The following MAL variants were observed in gnomAD, a reference collection of about 807,000 sequenced individuals.
MAL encodes the protein myelin and lymphocyte protein.
MAL carries 5 observed loss-of-function variants against 16.7 expected under a neutral mutation model. The observed-to-expected ratio is 0.30, with a 90% CI of 0.16 to 0.63. The LOEUF (loss-of-function observed/expected upper bound fraction) is 0.63. MAL is among the 30% of genes least tolerant of loss of function. MAL has a pLI of 0.82. For synonymous variants in MAL, 96 were observed against 85.5 expected (o/e 1.12, Z -0.67); for missense variants, 202 against 195.8 (o/e 1.03, Z -0.19).
At chr2:95,041,523 C>T (rs1674466459) in intron 1 of MAL, among the ~76,000 whole-genome samples, 1 of 152,164 alleles carries the variant, frequency 6.6e-6, no homozygotes, top group Non-Finnish European at 1.5e-5. Context: ...TGACAACAAG[C>T]GCTTAGTGGC....
At chr2:95,039,522 G>T (rs1389691186) in intron 1 of MAL, among the ~76,000 whole-genome samples, 2 of 151,772 alleles carry the variant, frequency 1.3e-5, no homozygotes, top group Admixed American at 1.3e-4. Context: ...GTGAGTGACT[G>T]AGTGACTGAG....
chr2:95,042,641 G>C (rs1674497017), intron 1 of MAL, among the ~76,000 whole-genome samples: 1 of 152,218 alleles, frequency 6.6e-6, no homozygotes, highest in Non-Finnish European at 1.5e-5. Context: ...TGGGGTCGGA[G>C]GAAGTCTGGC....
chr2:95,043,991 G>A (rs1240304352), intron 1 of MAL, among the ~76,000 whole-genome samples: 1 of 152,178 alleles, frequency 6.6e-6, no homozygotes, highest in African/African-American at 2.4e-5. Flanking sequence ...TTCCTCAGAG[G>A]CTTCTGGGTT....
At chr2:95,040,734 C>T (rs1009043126) in intron 1 of MAL, among the ~76,000 whole-genome samples, 11 of 152,188 alleles carry the variant, frequency 7.2e-5, no homozygotes, top group Non-Finnish European at 1.3e-4. Context: ...GTCCACATGC[C>T]TCCCTCGTCT....
At chr2:95,038,382 A>AAGTG (rs1256769985) in intron 1 of MAL, among the ~76,000 whole-genome samples, 1 of 59,950 alleles carries the variant, frequency 1.7e-5, no homozygotes, top group Admixed American at 1.6e-4. Flanking sequence ...GTGAGTGACT[A>AAGTG]AGTGAGTGAG....
intron 1 of MAL, among the ~76,000 whole-genome samples, chr2:95,043,540 C>A (rs766477221): frequency 6.6e-6 from 1 of 152,204 alleles, no homozygotes; most frequent in Non-Finnish European, 1.5e-5. Context: ...GAGTCCCCTG[C>A]CAAGGGGAGG....
At chr2:95,046,330 A>G (rs1243469211) in intron 1 of MAL, among the ~76,000 whole-genome samples, 1 of 152,132 alleles carries the variant, frequency 6.6e-6, no homozygotes, top group Non-Finnish European at 1.5e-5. Flanking sequence ...GAATCTCCAC[A>G]TAGGCCTGGA....
chr2:95,049,546 C>T, intron 2 of MAL, 35 bp from the exon 3 acceptor site: 1 of 1,612,704 alleles, frequency 6.2e-7, no homozygotes, highest in African/African-American at 1.3e-5. Flanking sequence ...CCGTCTCTCT[C>T]TCCCCATCCC....
At chr2:95,041,702 C>T (rs1442649626) in intron 1 of MAL, among the ~76,000 whole-genome samples, 2 of 152,096 alleles carry the variant, frequency 1.3e-5, no homozygotes, top group Non-Finnish European at 2.9e-5. Flanking sequence ...AAGTGCACAC[C>T]CTTAACCACC....
intron 1 of MAL, among the ~76,000 whole-genome samples, chr2:95,035,136 C>A (rs1250655285): frequency 1.3e-5 from 2 of 152,202 alleles, no homozygotes; most frequent in Non-Finnish European, 2.9e-5. Context: ...CTTGGACCCT[C>A]CCAGACCCTG....
At chr2:95,027,820 T>C (rs2104324619) in intron 1 of MAL, among the ~76,000 whole-genome samples, 1 of 152,286 alleles carries the variant, frequency 6.6e-6, no homozygotes, top group African/African-American at 2.4e-5. Flanking sequence ...CACGCCATTC[T>C]CCTGCCTCAG....
At chr2:95,043,839 C>T (rs1360840312) in intron 1 of MAL, among the ~76,000 whole-genome samples, 4 of 152,202 alleles carry the variant, frequency 2.6e-5, no homozygotes. Context: ...AGCGGAAGGT[C>T]GACCGCCCCA....
chr2:95,029,854 G>A (rs199692026), intron 1 of MAL, among the ~76,000 whole-genome samples: 38 of 152,250 alleles, frequency 2.5e-4, no homozygotes, highest in African/African-American at 8.2e-4. Context: ...GACCTTCCCC[G>A]GCCCCTACCA....
chr2:95,050,535 C>G (rs1263368121), intron 3 of MAL, among the ~76,000 whole-genome samples: 1 of 152,210 alleles, frequency 6.6e-6, no homozygotes, highest in Non-Finnish European at 1.5e-5. Context: ...GTGTCATCCC[C>G]TCTTTTTGGA....
intron 3 of MAL, among the ~76,000 whole-genome samples, chr2:95,051,090 A>T (rs2104363264): frequency 1.3e-5 from 2 of 152,338 alleles, no homozygotes; most frequent in South Asian, 4.1e-4. Context: ...TCAGCACTTG[A>T]TGGAAAAACC....
At position 95,053,442 on chromosome 2, in the gene MAL, G is replaced by T. The variant is rs753178087; in HGVS notation, c.449G>T (p.Trp150Leu). 4 of 1,613,176 alleles carry T rather than the reference G, an allele frequency of 2.5e-6. No homozygotes were observed. The highest frequency in any genetic ancestry group is 2.5e-6 in the Non-Finnish European group (3 of 1,179,210). Residue 150 changes from tryptophan (W) to leucine (L), a missense_variant, in exon 4 of 4, where the codon TGG (tryptophan) becomes TTG (leucine). Coordinates refer to ENST00000309988, the MANE Select transcript of MAL (RefSeq NM_002371.4). ...VVHAVFSLIR[W>L]KSS is the part of the protein sequence containing the mutation. ...CATGCGGTGTTCTCTTTAATCAGAT[G>T]GAAGTCTTCATAAAGCCGCAGTAGA...
intron 1 of MAL, among the ~76,000 whole-genome samples, chr2:95,033,647 C>T (rs1406926602): frequency 2.6e-5 from 4 of 152,096 alleles, no homozygotes; most frequent in Non-Finnish European, 5.9e-5. Context: ...ACTATGATGG[C>T]TTGCACCCAT....
intron 1 of MAL, among the ~76,000 whole-genome samples, chr2:95,041,572 C>T (rs898230093): frequency 1.3e-5 from 2 of 152,174 alleles, no homozygotes; most frequent in Non-Finnish European, 2.9e-5. Context: ...ACCTGAGTCA[C>T]AACTACTGTT....
intron 1 of MAL, among the ~76,000 whole-genome samples, chr2:95,032,681 C>T (rs977699435): frequency 2.0e-5 from 3 of 152,158 alleles, no homozygotes; most frequent in Admixed American, 6.5e-5. Context: ...GCAGGTCCCT[C>T]GTGGTCTCTC....
Sources: allele counts gnomAD v4.1 joint callset (sites outside exome capture counted in the v4.1 genomes callset), GRCh38; gene constraint gnomAD v4.1.1; transcripts MANE v1.5; gene names NCBI Gene and HGNC (gene_info 2026-07-23, HGNC 2026-07-21).